Variants in CRB1 observed in about 807,000 individuals in gnomAD.
The protein encoded by CRB1 is crumbs cell polarity complex component 1, also known as protein crumbs homolog 1.
Under a neutral mutation model 120.0 loss-of-function variants are expected in CRB1, and 83 were observed. The ratio of observed to expected loss-of-function variants is 0.69; its 90% confidence interval spans 0.58 to 0.83. The LOEUF (loss-of-function observed/expected upper bound fraction) is 0.83. Ranked by LOEUF, CRB1 falls within the 40% of genes least tolerant of loss-of-function variation. The pLI is 0.00. For missense variants in CRB1, 1,699 were observed against 1,687.6 expected (o/e 1.01, Z -0.12); for synonymous variants, 625 against 612.5 (o/e 1.02, Z -0.30).
intron 1 of CRB1, among the ~76,000 whole-genome samples, chr1:197,302,710 C>T (rs1656940647): frequency 6.6e-6 from 1 of 151,900 alleles, no homozygotes; most frequent in African/African-American, 2.4e-5. Flanking sequence ...GCCATAAAGT[C>T]GATGAAAGAA....
At chr1:197,296,747 G>A (rs769776741) in intron 1 of CRB1, among the ~76,000 whole-genome samples, 2 of 151,960 alleles carry the variant, frequency 1.3e-5, no homozygotes, top group Non-Finnish European at 2.9e-5. Context: ...GAATCATAGA[G>A]GCAGTTCCCC....
chr1:197,359,200 A>G lies in CRB1; in HGVS notation c.1171+2187A>G, dbSNP rs146669069. Among the ~76,000 whole-genome samples, 1,394 of 152,336 alleles carry G rather than the reference A, an allele frequency of 9.2e-3. 13 individuals are homozygous for G. Among genetic ancestry groups the G allele is most frequent in the Middle Eastern group, 0.027 (8 of 294 alleles). Reference sequence around the variant, plus strand: ...GACAAAGTCCACATCCAGAACAATTATCATCACAAGGATGCCACCTCTCTC... The same window carrying G: ...GACAAAGTCCACATCCAGAACAATTGTCATCACAAGGATGCCACCTCTCTC... On this transcript the variant is annotated intron_variant, in intron 5 of 11. Coordinates refer to ENST00000367400, the MANE Select transcript of CRB1 (RefSeq NM_201253.3).
chr1:197,471,894 G>A (rs1167786807), intron 11 of CRB1, among the ~76,000 whole-genome samples: 5 of 152,184 alleles, frequency 3.3e-5, no homozygotes, highest in African/African-American at 1.2e-4. Context: ...TGTCAGAATA[G>A]CAATTCACAA....
chr1:197,446,989 A>G (rs1571582434), intron 11 of CRB1, among the ~76,000 whole-genome samples: 1 of 152,194 alleles, frequency 6.6e-6, no homozygotes. Context: ...CATTCTTTGT[A>G]TATGTAATCC....
chr1:197,263,055 T>G, the CRB1 span, among the ~76,000 whole-genome samples: 2 of 152,198 alleles, frequency 1.3e-5, no homozygotes, highest in Middle Eastern at 6.3e-3. Flanking sequence ...AGAAATGGGA[T>G]TGCTAGATCA....
chr1:197,383,639 T>A (rs1662069006), intron 5 of CRB1, among the ~76,000 whole-genome samples: 1 of 152,200 alleles, frequency 6.6e-6, no homozygotes, highest in South Asian at 2.1e-4. Context: ...CACTGTGACG[T>A]AAACAGACTC....
intron 11 of CRB1, among the ~76,000 whole-genome samples, chr1:197,470,878 A>G (rs1348117428): frequency 6.6e-6 from 1 of 152,274 alleles, no homozygotes; most frequent in Non-Finnish European, 1.5e-5. Flanking sequence ...CCAATGTCAC[A>G]GCACATGTCA....
intron 5 of CRB1, among the ~76,000 whole-genome samples, chr1:197,389,777 T>A (rs1279412290): frequency 1.3e-5 from 2 of 152,080 alleles, no homozygotes; most frequent in Non-Finnish European, 2.9e-5. Context: ...CTCTCAGAGG[T>A]CTAGGTGGCA....
chr1:197,464,426 G>A (rs923463294), intron 11 of CRB1, among the ~76,000 whole-genome samples: 2 of 152,058 alleles, frequency 1.3e-5, no homozygotes, highest in Non-Finnish European at 2.9e-5. Context: ...CTGAGGACAA[G>A]CAATCTAAAT....
intron 2 of CRB1, among the ~76,000 whole-genome samples, chr1:197,330,190 C>A (rs1658767212): frequency 6.6e-6 from 1 of 152,160 alleles, no homozygotes; most frequent in African/African-American, 2.4e-5. Flanking sequence ...TACAACCAGT[C>A]TTCAGAATCT....
intron 1 of CRB1, among the ~76,000 whole-genome samples, chr1:197,271,901 T>C (rs1261073762): frequency 1.3e-5 from 2 of 152,128 alleles, no homozygotes; most frequent in Non-Finnish European, 1.5e-5. Context: ...TTAATCTACG[T>C]TTAAAGTATG....
intron 5 of CRB1, among the ~76,000 whole-genome samples, chr1:197,369,662 T>G (rs2125379758): frequency 6.6e-6 from 1 of 152,334 alleles, no homozygotes; most frequent in African/African-American, 2.4e-5. Flanking sequence ...GTCTGCTTAC[T>G]TCAGTCACCC....
At chr1:197,406,542 C>T (rs1450696698) in intron 5 of CRB1, among the ~76,000 whole-genome samples, 1 of 151,984 alleles carries the variant, frequency 6.6e-6, no homozygotes, top group African/African-American at 2.4e-5. Flanking sequence ...GCCAAATCCC[C>T]CTCTGCGAGA....
chr1:197,336,535 T>C (rs552983896), intron 2 of CRB1, among the ~76,000 whole-genome samples: 1 of 152,338 alleles, frequency 6.6e-6, no homozygotes, highest in East Asian at 1.9e-4. Context: ...AATTAAACAC[T>C]TGTTCAGGCT....
At chr1:197,417,434 T>C (rs1664064160) in intron 5 of CRB1, among the ~76,000 whole-genome samples, 1 of 152,110 alleles carries the variant, frequency 6.6e-6, no homozygotes, top group South Asian at 2.1e-4. Flanking sequence ...TAGTAGGCAG[T>C]TTGTGTAAAA....
chr1:197,275,984 T>C (rs1655186499), intron 1 of CRB1, among the ~76,000 whole-genome samples: 1 of 151,918 alleles, frequency 6.6e-6, no homozygotes, highest in Admixed American at 6.6e-5. Flanking sequence ...TAGATCCTAT[T>C]GGTTGCTATG....
At chr1:197,340,424 G>T (rs562862217) in intron 2 of CRB1, among the ~76,000 whole-genome samples, 1 of 152,288 alleles carries the variant, frequency 6.6e-6, no homozygotes, top group South Asian at 2.1e-4. Context: ...CAGAGACAGG[G>T]AGATAGAGAG....
chr1:197,431,034 A>G (rs1376582688), intron 8 of CRB1, among the ~76,000 whole-genome samples: 1 of 151,902 alleles, frequency 6.6e-6, no homozygotes, highest in South Asian at 2.1e-4. Flanking sequence ...CCACTGCACT[A>G]TAGCCTGTGC....
chr1:197,251,569 T>C, the CRB1 span, among the ~76,000 whole-genome samples: 1 of 152,080 alleles, frequency 6.6e-6, no homozygotes, highest in Admixed American at 6.6e-5. Flanking sequence ...TTCCTCAAAA[T>C]ATCTCTTCTA....
Sources: gnomAD v4.1 joint callset for allele counts (sites outside exome capture counted in the v4.1 genomes callset) on GRCh38, gnomAD v4.1.1 for gene constraint, MANE v1.5 for transcripts, NCBI Gene and HGNC (gene_info 2026-07-23, HGNC 2026-07-21) for gene names.